GAS2: variants seen among roughly 807,000 people sequenced by gnomAD.
GAS2 encodes growth arrest-specific protein 2.
Under a neutral mutation model 37.5 loss-of-function variants are expected in GAS2, and 20 were observed. The observed-to-expected ratio is 0.53, with a 90% CI of 0.37 to 0.77. The LOEUF (loss-of-function observed/expected upper bound fraction) is 0.77, where lower values mean the gene tolerates loss of function less well. Ranked by LOEUF, GAS2 falls within the 30% of genes least tolerant of loss-of-function variation. The pLI, the probability that GAS2 is intolerant of heterozygous loss-of-function variation, is 0.00. For missense variants in GAS2, 336 were observed against 373.4 expected (o/e 0.90, Z 0.82); for synonymous variants, 144 against 132.2 (o/e 1.09, Z -0.61).
chr11:22,695,015 A>G (rs1389751459), intron 3 of GAS2, among the ~76,000 whole-genome samples: 2 of 152,126 alleles, frequency 1.3e-5, no homozygotes, highest in African/African-American at 4.8e-5. Context: ...GTTGTCAGCA[A>G]TGGCTTAAAA....
intron 7 of GAS2, among the ~76,000 whole-genome samples, chr11:22,784,548 A>G (rs1413059810): frequency 2.6e-5 from 4 of 152,146 alleles, no homozygotes; most frequent in African/African-American, 9.7e-5. Context: ...AGGTGATTAT[A>G]CGTTAAGAGC....
chr11:22,651,143 A>G (rs536812093), intron 1 of GAS2, among the ~76,000 whole-genome samples: 125 of 151,516 alleles, frequency 8.2e-4, no homozygotes, highest in African/African-American at 2.1e-3. Context: ...GCATTTGCTT[A>G]TCTGTAAAGT....
chr11:22,774,539 G>A (rs1399010728), intron 7 of GAS2, among the ~76,000 whole-genome samples: 1 of 152,170 alleles, frequency 6.6e-6, no homozygotes, highest in Non-Finnish European at 1.5e-5. Context: ...ACAACTCCTA[G>A]ATTTTTTTGG....
At chr11:22,768,392 A>G (rs187952799) in intron 7 of GAS2, among the ~76,000 whole-genome samples, 2 of 152,294 alleles carry the variant, frequency 1.3e-5, no homozygotes, top group African/African-American at 4.8e-5. Context: ...TTCATCTCCC[A>G]ATTGTAGCTT....
chr11:22,755,360 T>C (rs1190731205), intron 6 of GAS2, among the ~76,000 whole-genome samples: 1 of 152,008 alleles, frequency 6.6e-6, no homozygotes, highest in East Asian at 1.9e-4. Flanking sequence ...GATGAAACAA[T>C]AGTCTCCTTA....
intron 1 of GAS2, among the ~76,000 whole-genome samples, chr11:22,642,788 G>A (rs1405817137): frequency 1.3e-5 from 2 of 152,142 alleles, no homozygotes; most frequent in Non-Finnish European, 2.9e-5. Flanking sequence ...TAAATTATCA[G>A]TATGTTTTAT....
chr11:22,758,533 G>T (rs552121186), intron 7 of GAS2, among the ~76,000 whole-genome samples: 1 of 152,048 alleles, frequency 6.6e-6, no homozygotes, highest in South Asian at 2.1e-4. Flanking sequence ...ACAATTCAGG[G>T]TCACTTAAGG....
intron 1 of GAS2, among the ~76,000 whole-genome samples, chr11:22,651,994 T>C (rs1481775375): frequency 6.6e-6 from 1 of 152,234 alleles, no homozygotes; most frequent in Non-Finnish European, 1.5e-5. Context: ...GGAGAGGTGC[T>C]CTGCTTTTTA....
chr11:22,684,057 A>G (rs1397329106), intron 2 of GAS2, among the ~76,000 whole-genome samples: 2 of 152,204 alleles, frequency 1.3e-5, no homozygotes, highest in African/African-American at 2.4e-5. Flanking sequence ...GGTAGAAGGT[A>G]GGGCATTGAA....
intron 3 of GAS2, among the ~76,000 whole-genome samples, chr11:22,706,700 C>T (rs1432016125): frequency 7.9e-5 from 12 of 152,226 alleles, no homozygotes; most frequent in Admixed American, 2.0e-4. Flanking sequence ...TTCCATGGTG[C>T]ATATGTGCCA....
intron 5 of GAS2, among the ~76,000 whole-genome samples, chr11:22,742,118 T>A (rs954974554): frequency 6.6e-6 from 1 of 151,122 alleles, no homozygotes; most frequent in Non-Finnish European, 1.5e-5. Context: ...CCTATCACTT[T>A]AAAAAAAAAT....
chr11:22,696,211 C>T (rs1312053811), intron 3 of GAS2, among the ~76,000 whole-genome samples: 8 of 150,254 alleles, frequency 5.3e-5, no homozygotes, highest in South Asian at 2.1e-4. Flanking sequence ...TTTGTCCTTG[C>T]GATAGTTTAC....
intron 1 of GAS2, among the ~76,000 whole-genome samples, chr11:22,644,598 T>G (rs1307973009): frequency 2.0e-5 from 3 of 152,166 alleles, no homozygotes; most frequent in Non-Finnish European, 4.4e-5. Flanking sequence ...ATACGTTGAG[T>G]GAAAGCTCCT....
intron 6 of GAS2, among the ~76,000 whole-genome samples, chr11:22,755,006 T>C (rs1853948563): frequency 6.6e-6 from 1 of 152,100 alleles, no homozygotes; most frequent in African/African-American, 2.4e-5. Flanking sequence ...GTTGGTTAGT[T>C]GAAGAGCAGA....
chr11:22,630,289 C>T (rs1456341048), intron 1 of GAS2, among the ~76,000 whole-genome samples: 2 of 152,120 alleles, frequency 1.3e-5, no homozygotes, highest in African/African-American at 2.4e-5. Context: ...TGAGTGAGAA[C>T]ATGTGATGTT....
intron 3 of GAS2, among the ~76,000 whole-genome samples, chr11:22,708,803 G>A (rs1218510294): frequency 1.3e-5 from 2 of 152,190 alleles, no homozygotes; most frequent in Non-Finnish European, 2.9e-5. Flanking sequence ...TTAATCATAT[G>A]AAGGAACTTG....
rs1218197197 is a variant in GAS2, at chr11:22,687,096, C to T, written c.267+1307C>T. Among the ~76,000 whole-genome samples, 6 of 151,992 alleles carry T rather than the reference C, an allele frequency of 3.9e-5. No individual in the cohort carries two copies. The East Asian group carries it at 1.2e-3, about 29-fold the overall frequency. On this transcript the variant is annotated intron_variant, in intron 3 of 7. Coordinates refer to ENST00000454584, the MANE Select transcript of GAS2 (RefSeq NM_001143830.3). ...TCTCAGCACTTTGCGGGGGTCAAGG[C>T]AGGCAGATTGCTTGAGCTCGGGAGT... is the stretch of plus-strand genomic sequence containing the variant.
intron 2 of GAS2, among the ~76,000 whole-genome samples, chr11:22,680,692 A>G (rs1047323899): frequency 2.0e-5 from 3 of 152,124 alleles, no homozygotes; most frequent in African/African-American, 4.8e-5. Flanking sequence ...CAGCACCACA[A>G]TCTTCAATCC....
intron 6 of GAS2, among the ~76,000 whole-genome samples, chr11:22,752,591 T>C (rs1853801960): frequency 6.6e-6 from 1 of 151,664 alleles, no homozygotes; most frequent in African/African-American, 2.4e-5. Flanking sequence ...TGCGTTTAGT[T>C]AATAATATTG....
Sources: allele counts gnomAD v4.1 joint callset (sites outside exome capture counted in the v4.1 genomes callset), GRCh38; gene constraint gnomAD v4.1.1; transcripts MANE v1.5; gene names NCBI Gene and HGNC (gene_info 2026-07-23, HGNC 2026-07-21).